Variants in GRM5 observed in about 807,000 individuals in gnomAD.
The protein encoded by GRM5 is glutamate metabotropic receptor 5.
GRM5 carries 19 observed loss-of-function variants against 83.1 expected under a neutral mutation model. The observed-to-expected ratio is 0.23, with a 90% CI of 0.16 to 0.34. The LOEUF (loss-of-function observed/expected upper bound fraction) is 0.34, where lower values mean the gene tolerates loss of function less well. Ranked by LOEUF, GRM5 falls within the 10% of genes least tolerant of loss-of-function variation. The pLI is 1.00. For missense variants in GRM5, 1,160 were observed against 1,588.3 expected (o/e 0.73, Z 4.58); for synonymous variants, 675 against 633.6 (o/e 1.07, Z -0.98).
At chr11:88,668,297 G>GCACA (rs72052705) in intron 3 of GRM5, among the ~76,000 whole-genome samples, 3,321 of 130,072 alleles carry the variant, frequency 0.026, 122 homozygotes, top group African/African-American at 0.079. Flanking sequence ...CCAGAAACTC[G>GCACA]CACACACACA....
chr11:89,060,000 G>A (rs553246641), intron 1 of GRM5, among the ~76,000 whole-genome samples: 1 of 152,082 alleles, frequency 6.6e-6, no homozygotes, highest in Admixed American at 6.5e-5. Flanking sequence ...ACTTGCCTAA[G>A]GTCACACAAG....
chr11:88,777,172 T>A (rs1000632466), intron 3 of GRM5, among the ~76,000 whole-genome samples: 12 of 152,318 alleles, frequency 7.9e-5, no homozygotes, highest in African/African-American at 2.9e-4. Context: ...TCTTCTCGCT[T>A]TATTTCATTA....
chr11:88,630,745 A>C (rs1020945182), intron 4 of GRM5, among the ~76,000 whole-genome samples: 2 of 151,914 alleles, frequency 1.3e-5, no homozygotes, highest in African/African-American at 2.4e-5. Flanking sequence ...TGACTGGCTA[A>C]TTTTGTATTT....
chr11:88,551,391 T>C (rs1448254166), intron 8 of GRM5, among the ~76,000 whole-genome samples: 3 of 152,132 alleles, frequency 2.0e-5, no homozygotes, highest in Admixed American at 2.0e-4. Flanking sequence ...CTCATCTACC[T>C]CCCACCAGCA....
chr11:89,011,750 C>G (rs1008565207), intron 2 of GRM5, among the ~76,000 whole-genome samples: 7 of 152,156 alleles, frequency 4.6e-5, no homozygotes. Context: ...AGGGGCCAGA[C>G]AGTCTGCTAA....
intron 7 of GRM5, among the ~76,000 whole-genome samples, chr11:88,573,092 T>C (rs148436631): frequency 5.3e-5 from 8 of 152,324 alleles, no homozygotes; most frequent in African/African-American, 1.9e-4. Context: ...TTTTAATTTT[T>C]CTTCCCTTTT....
At chr11:88,655,671 G>GC (rs1939748617) in intron 3 of GRM5, among the ~76,000 whole-genome samples, 1 of 134,992 alleles carries the variant, frequency 7.4e-6, no homozygotes, top group Non-Finnish European at 1.6e-5. Flanking sequence ...TACTTTCTCT[G>GC]TTTTTTTTTT....
chr11:88,710,026 A>C (rs2135383122), intron 3 of GRM5, among the ~76,000 whole-genome samples: 1 of 152,194 alleles, frequency 6.6e-6, no homozygotes, highest in South Asian at 2.1e-4. Context: ...ATTCGCATTC[A>C]CAACTTCAAT....
rs1333559843 is a variant in GRM5, at chr11:88,597,224, C to T, written c.1523G>A (p.Arg508Lys). 1 of 1,610,268 alleles carries T rather than the reference C, an allele frequency of 6.2e-7. No individual in the cohort carries two copies. The highest frequency in any genetic ancestry group is 1.7e-5 in the Admixed American group (1 of 59,532). ...CTCACATGGTTCACTGCACACAGAT[C>T]TGATGATGTTGCTTTTCTTGGACCA... ...EVWSKKSNII[R>K]SVCSEPCEKG... The change falls in exon 6 of 10, where the codon AGA (arginine) becomes AAA (lysine). Residue 508 changes from arginine to lysine, a missense_variant. Transcript: ENST00000305447.
chr11:88,699,007 G>A (rs907105340), intron 3 of GRM5, among the ~76,000 whole-genome samples: 26 of 152,070 alleles, frequency 1.7e-4, no homozygotes, highest in Non-Finnish European at 2.1e-4. Flanking sequence ...CTATGAGTAA[G>A]GACTATTGCT....
intron 4 of GRM5, among the ~76,000 whole-genome samples, chr11:88,650,448 T>G (rs1416273664): frequency 6.6e-6 from 1 of 151,906 alleles, no homozygotes; most frequent in Non-Finnish European, 1.5e-5. Context: ...AAAAGGAGCT[T>G]AACTTTGAAA....
intron 2 of GRM5, among the ~76,000 whole-genome samples, chr11:88,867,731 AAGG>A (rs969466225): frequency 6.6e-6 from 1 of 151,670 alleles, no homozygotes; most frequent in African/African-American, 2.4e-5. Flanking sequence ...GTGAAGATGC[AAGG>A]AGAAGATGGC....
At chr11:88,827,788 A>G (rs1303124671) in intron 3 of GRM5, among the ~76,000 whole-genome samples, 5 of 152,238 alleles carry the variant, frequency 3.3e-5, no homozygotes, top group Non-Finnish European at 5.9e-5. Context: ...GCAGTAAACA[A>G]AATCCCTTTC....
At chr11:88,646,905 AAC>A (rs1491010443) in intron 4 of GRM5, among the ~76,000 whole-genome samples, 9 of 151,516 alleles carry the variant, frequency 5.9e-5, no homozygotes, top group Admixed American at 6.6e-5. Flanking sequence ...ACAAAAAAAA[AAC>A]ACCACAAATT....
intron 2 of GRM5, among the ~76,000 whole-genome samples, chr11:89,029,121 T>C (rs1332348269): frequency 1.3e-5 from 2 of 152,246 alleles, no homozygotes; most frequent in Non-Finnish European, 1.5e-5. Flanking sequence ...TCATCTTTTT[T>C]ATGCCTGCAT....
intron 3 of GRM5, among the ~76,000 whole-genome samples, chr11:88,725,651 G>C (rs1055572160): frequency 1.3e-5 from 2 of 152,152 alleles, no homozygotes; most frequent in African/African-American, 4.8e-5. Context: ...GCTGGCATCT[G>C]GTGGGTACCC....
chr11:88,551,728 AGGGG>A (rs1942513708), intron 8 of GRM5, among the ~76,000 whole-genome samples: 1 of 152,136 alleles, frequency 6.6e-6, no homozygotes, highest in Admixed American at 6.5e-5. Flanking sequence ...TCATCAGTAT[AGGGG>A]TCTAATAAAC....
At chr11:88,999,008 A>C (rs1326758009) in intron 2 of GRM5, among the ~76,000 whole-genome samples, 3 of 152,188 alleles carry the variant, frequency 2.0e-5, no homozygotes, top group Non-Finnish European at 4.4e-5. Context: ...TATTTAATAA[A>C]TGGTGCTGGG....
chr11:88,665,935 A>G (rs879461447), intron 3 of GRM5, among the ~76,000 whole-genome samples: 10 of 152,190 alleles, frequency 6.6e-5, no homozygotes, highest in Non-Finnish European at 1.2e-4. Context: ...ATTGATAAGA[A>G]GCTAAGAAGT....
Sources: gnomAD v4.1 joint callset for allele counts (sites outside exome capture counted in the v4.1 genomes callset) on GRCh38, gnomAD v4.1.1 for gene constraint, MANE v1.5 for transcripts, NCBI Gene and HGNC (gene_info 2026-07-23, HGNC 2026-07-21) for gene names.